The following GSE1 variants were observed in gnomAD, a reference collection of about 807,000 sequenced individuals.
The protein encoded by GSE1 is Gse1 coiled-coil protein.
Under a neutral mutation model 112.6 loss-of-function variants are expected in GSE1, and 32 were observed. The ratio of observed to expected loss-of-function variants is 0.28; its 90% CI spans 0.21 to 0.38. GSE1 has a LOEUF of 0.38. Among genes scored for constraint, GSE1 ranks in the 10% least tolerant of loss-of-function variants. The probability of loss-of-function intolerance (pLI) is 1.00; values close to 1 mark genes in which losing one functional copy is unlikely to be tolerated. For missense variants in GSE1, 2,348 were observed against 1,699.2 expected (o/e 1.38, Z -6.71); for synonymous variants, 1,115 against 735.6 (o/e 1.52, Z -8.35).
intron 2 of GSE1, among the ~76,000 whole-genome samples, chr16:85,639,245 A>C (rs113581139): frequency 9.8e-5 from 15 of 152,310 alleles, no homozygotes; most frequent in African/African-American, 3.6e-4. Context: ...CTCCCGCTGT[A>C]GCCCAGACTC....
chr16:85,503,789 C>A (rs1285741188), intron 2 of GSE1, among the ~76,000 whole-genome samples: 1 of 152,178 alleles, frequency 6.6e-6, no homozygotes, highest in Non-Finnish European at 1.5e-5. Context: ...TTAAAACTGT[C>A]AGAAGCCAAG....
intron 2 of GSE1, among the ~76,000 whole-genome samples, chr16:85,492,704 T>C (rs1451668926): frequency 6.6e-6 from 1 of 152,120 alleles, no homozygotes; most frequent in Non-Finnish European, 1.5e-5. Flanking sequence ...CTACCAGAGA[T>C]GACACAGTCA....
intron 2 of GSE1, among the ~76,000 whole-genome samples, chr16:85,503,434 C>T (rs1454864914): frequency 1.3e-5 from 2 of 152,150 alleles, no homozygotes; most frequent in Non-Finnish European, 2.9e-5. Flanking sequence ...TGAAGGACCT[C>T]GGCCTTGAGA....
intron 1 of GSE1, among the ~76,000 whole-genome samples, chr16:85,182,190 A>C (rs1466377566): frequency 1.3e-5 from 2 of 152,098 alleles, no homozygotes; most frequent in African/African-American, 4.8e-5. Flanking sequence ...GAGTCCGGGT[A>C]GTCTGGGCTC....
At chr16:85,538,752 A>G (rs1273477572) in intron 2 of GSE1, among the ~76,000 whole-genome samples, 1 of 152,196 alleles carries the variant, frequency 6.6e-6, no homozygotes, top group Non-Finnish European at 1.5e-5. Context: ...ATCTGGGAGC[A>G]GGCTCGGTGC....
chr16:85,177,624 G>T (rs774624709), intron 1 of GSE1, among the ~76,000 whole-genome samples: 7 of 152,196 alleles, frequency 4.6e-5, no homozygotes, highest in African/African-American at 7.2e-5. Flanking sequence ...CTCGTGCTGT[G>T]TTAAGAAGGG....
chr16:85,227,642 C>T (rs1402611088), intron 1 of GSE1, among the ~76,000 whole-genome samples: 1 of 152,068 alleles, frequency 6.6e-6, no homozygotes, highest in Non-Finnish European at 1.5e-5. Flanking sequence ...GGTTGGGTCA[C>T]TTGAGGGAAA....
At chr16:85,562,010 T>C (rs1271563017) in intron 1 of GSE1, among the ~76,000 whole-genome samples, 1 of 152,224 alleles carries the variant, frequency 6.6e-6, no homozygotes, top group Admixed American at 6.5e-5. Flanking sequence ...AGGTCTTGCA[T>C]AGCCTCAGGC....
At chr16:85,297,984 C>T (rs1273287368) in intron 1 of GSE1, among the ~76,000 whole-genome samples, 1 of 152,140 alleles carries the variant, frequency 6.6e-6, no homozygotes, top group Non-Finnish European at 1.5e-5. Context: ...ATCTTGAGCT[C>T]AGCTTATTAA....
chr16:85,274,324 G>A (rs1033609774), intron 1 of GSE1, among the ~76,000 whole-genome samples: 3 of 152,274 alleles, frequency 2.0e-5, no homozygotes, highest in East Asian at 1.9e-4. Flanking sequence ...GGCGGAGGTT[G>A]CAGTGAGCTG....
intron 2 of GSE1, among the ~76,000 whole-genome samples, chr16:85,471,542 T>A (rs892656754): frequency 6.6e-6 from 1 of 150,918 alleles, no homozygotes; most frequent in Admixed American, 6.6e-5. Context: ...CCTCCCAGAG[T>A]AGCTGGGACT....
At chr16:85,334,906 C>T (rs1262847251) in intron 1 of GSE1, among the ~76,000 whole-genome samples, 2 of 152,338 alleles carry the variant, frequency 1.3e-5, no homozygotes, top group South Asian at 2.1e-4. Flanking sequence ...GCTGCTCCAA[C>T]AACTTTTATC....
rs143013300 is a variant in GSE1, at chr16:85,377,239, G to A, written c.2464+19596G>A. On this transcript the variant is annotated intron_variant, in intron 2 of 2. Coordinates refer to the GSE1 transcript ENST00000637419. ...CATCTCTCTGTGCTTCTCTCTGGGT[G>A]TGTCACGCATCCCACTCTCCACAGG... is the stretch of plus-strand genomic sequence containing the variant. Among the ~76,000 whole-genome samples, 89 of 152,288 alleles carry A rather than the reference G, an allele frequency of 5.8e-4. No individual in the cohort carries two copies. In the East Asian group the frequency reaches 7.9e-3, roughly 14 times the overall value.
intron 2 of GSE1, among the ~76,000 whole-genome samples, chr16:85,367,426 C>A (rs2047207071): frequency 6.6e-6 from 1 of 152,258 alleles, no homozygotes; most frequent in Non-Finnish European, 1.5e-5. Flanking sequence ...ACACCAGACA[C>A]AACCCCTGCC....
chr16:85,499,440 A>T (rs1359485242), intron 2 of GSE1, among the ~76,000 whole-genome samples: 1 of 150,932 alleles, frequency 6.6e-6, no homozygotes, highest in East Asian at 1.9e-4. Flanking sequence ...CCTCCCAAGT[A>T]GCTGTGACTA....
intron 1 of GSE1, among the ~76,000 whole-genome samples, chr16:85,236,430 G>A (rs1904672307): frequency 6.6e-6 from 1 of 152,252 alleles, no homozygotes; most frequent in South Asian, 2.1e-4. Flanking sequence ...TAAAAACTCT[G>A]AGACTTGGGG....
At position 85,278,225 on chromosome 16, in the gene GSE1, C is replaced by T. The variant is rs142053305; in HGVS notation, c.2284-79238C>T. 1.3e-3 allele frequency among the ~76,000 whole-genome samples: 196 copies of T among 152,288 alleles called. 1 individual carries two copies. The highest frequency in any genetic ancestry group is 2.9e-3 in the South Asian group (14 of 4,826). ...CAGCGTCAGGGGGCGGGGGTGCTGTCCTCTGACCCAGGCCCTTTGCAGAGT... is the reference window on the plus strand; with the variant it reads ...CAGCGTCAGGGGGCGGGGGTGCTGTTCTCTGACCCAGGCCCTTTGCAGAGT... On this transcript the variant is annotated intron_variant, in intron 1 of 2. Transcript: ENST00000637419.
At chr16:85,481,116 C>G (rs1050149938) in intron 2 of GSE1, among the ~76,000 whole-genome samples, 10 of 152,376 alleles carry the variant, frequency 6.6e-5, no homozygotes, top group Admixed American at 2.0e-4. Context: ...GGGACAGCCA[C>G]GCCTCGCTTC....
chr16:85,351,000 G>A (rs1022966279), intron 1 of GSE1, among the ~76,000 whole-genome samples: 1 of 152,142 alleles, frequency 6.6e-6, no homozygotes, highest in Non-Finnish European at 1.5e-5. Flanking sequence ...GGCTGGTCTC[G>A]AACTTCTGGG....
Sources: gnomAD v4.1 joint callset for allele counts (sites outside exome capture counted in the v4.1 genomes callset) on GRCh38, gnomAD v4.1.1 for gene constraint, MANE v1.5 for transcripts, NCBI Gene and HGNC (gene_info 2026-07-23, HGNC 2026-07-21) for gene names.